The following IRGM variants were observed in gnomAD, a reference collection of about 807,000 sequenced individuals.
IRGM encodes the protein immunity-related GTPase family M protein.
For synonymous variants in IRGM, 98 were observed against 80.6 expected (o/e 1.22, Z -1.16); for missense variants, 288 against 219.9 (o/e 1.31, Z -1.96).
chr5:150,855,364 G>C (rs1267948478), intron 1 of IRGM, among the ~76,000 whole-genome samples: 2 of 152,066 alleles, frequency 1.3e-5, no homozygotes. Context: ...TATCCTTAAG[G>C]AAGAGTTTGT....
chr5:150,893,201 G>C (rs1205738116), intron 3 of IRGM, among the ~76,000 whole-genome samples: 1 of 152,092 alleles, frequency 6.6e-6, no homozygotes, highest in African/African-American at 2.4e-5. Flanking sequence ...GAAAAGGTGA[G>C]TTTCCTCCCA....
Position 150,863,380 on chromosome 5 carries a change from C to G in IRGM, c.159-14600C>G, listed in dbSNP as rs139480319. 5.3e-4 allele frequency among the ~76,000 whole-genome samples: 80 copies of G among 152,108 alleles called. 1 individual carries two copies. The East Asian group carries it at 0.011, about 21-fold the overall frequency. On this transcript the variant is annotated intron_variant and NMD_transcript_variant, in intron 1 of 3. Coordinates refer to the IRGM transcript ENST00000520549. ...ATGAATAACAGTGTTGAAATTTTTGCAAGTTCAGTGGAAATGTTCTATTCG... is the reference window on the plus strand; with the variant it reads ...ATGAATAACAGTGTTGAAATTTTTGGAAGTTCAGTGGAAATGTTCTATTCG...
At chr5:150,872,748 G>T (rs74294180) in intron 1 of IRGM, among the ~76,000 whole-genome samples, 1 of 152,058 alleles carries the variant, frequency 6.6e-6, no homozygotes, top group African/African-American at 2.4e-5. Context: ...TTAAAAGATC[G>T]CCCACTGTGG....
At chr5:150,898,413 G>A (rs1754873752) in intron 3 of IRGM, 1 of 1,613,184 alleles carries the variant, frequency 6.2e-7, no homozygotes, top group African/African-American at 1.3e-5. Context: ...AGTTATTCAG[G>A]GAAGCCATCC....
intron 3 of IRGM, chr5:150,894,832 C>T (rs1754697892): frequency 6.6e-6 from 1 of 152,236 alleles, no homozygotes; most frequent in Non-Finnish European, 1.5e-5. Context: ...AAAAGGGAGA[C>T]CTGCTCAAAA....
chr5:150,851,469 G>A (rs1314740619), downstream of IRGM, among the ~76,000 whole-genome samples: 2 of 152,180 alleles, frequency 1.3e-5, no homozygotes, highest in East Asian at 3.8e-4. Flanking sequence ...CCTAATGCAC[G>A]ACGGCAGGCC....
At chr5:150,898,839 A>G (rs1476488058) in intron 3 of IRGM, among the ~76,000 whole-genome samples, 1 of 152,100 alleles carries the variant, frequency 6.6e-6, no homozygotes, top group East Asian at 1.9e-4. Flanking sequence ...AATGAATAGT[A>G]AAGAGGAAAA....
chr5:150,869,406 T>A (rs1209129286), intron 1 of IRGM, among the ~76,000 whole-genome samples: 1 of 152,202 alleles, frequency 6.6e-6, no homozygotes, highest in Admixed American at 6.5e-5. Context: ...GATTTTTGTA[T>A]CTATGTTCAT....
chr5:150,889,890 C>G (rs1016715078), intron 3 of IRGM, among the ~76,000 whole-genome samples: 2 of 151,918 alleles, frequency 1.3e-5, no homozygotes, highest in African/African-American at 4.8e-5. Flanking sequence ...CTACTTGGGT[C>G]TTGATGTATT....
chr5:150,866,848 C>A (rs1203171178), intron 1 of IRGM, among the ~76,000 whole-genome samples: 1 of 152,138 alleles, frequency 6.6e-6, no homozygotes, highest in Non-Finnish European at 1.5e-5. Context: ...TCTGATTACC[C>A]ACTAAAATAA....
At chr5:150,896,999 A>G (rs1305631639) in intron 3 of IRGM, 1 of 1,562,774 alleles carries the variant, frequency 6.4e-7, no homozygotes, top group Non-Finnish European at 8.7e-7. Context: ...ATACAATTTA[A>G]GAGTCATCAC....
intron 3 of IRGM, among the ~76,000 whole-genome samples, chr5:150,889,684 C>T (rs1371359804): frequency 6.6e-6 from 1 of 152,038 alleles, no homozygotes. Flanking sequence ...AACACTCAGT[C>T]TTTCACTATA....
chr5:150,864,460 T>C (rs1472475094), intron 1 of IRGM, among the ~76,000 whole-genome samples: 1 of 152,206 alleles, frequency 6.6e-6, no homozygotes, highest in Admixed American at 6.5e-5. Context: ...TCTTCCACAT[T>C]AAACATTACT....
chr5:150,878,765 T>C (rs893828551), intron 2 of IRGM, among the ~76,000 whole-genome samples: 3 of 145,236 alleles, frequency 2.1e-5, no homozygotes, highest in Non-Finnish European at 4.4e-5. Flanking sequence ...AAAAGATAAA[T>C]GTATAATTAT....
intron 1 of IRGM, among the ~76,000 whole-genome samples, chr5:150,856,680 G>A (rs973923149): frequency 6.6e-6 from 1 of 150,712 alleles, no homozygotes; most frequent in Non-Finnish European, 1.5e-5. Flanking sequence ...ATGTTTCCCA[G>A]ACTGGTCTCA....
In IRGM at chr5:150,897,942, T is replaced by C. The variant is rs56737661; in HGVS notation, c.*141-2647T>C. 3,116 of 1,231,804 alleles carry C rather than the reference T, an allele frequency of 2.5e-3. 76 individuals are homozygous for C. In the African/African-American group the frequency reaches 0.043, roughly 17 times the overall value. 76.3% of individuals were successfully genotyped at this position (1,231,804 alleles called of 1,614,324 possible). On this transcript the variant is annotated intron_variant and NMD_transcript_variant, in intron 3 of 3. Transcript: ENST00000520549. ...CTCCTCTGAAAGGCTTCACAATTAC[T>C]TGTTGAGTGACTACTAAATTCTCAG...
At position 150,888,569 on chromosome 5, in the gene IRGM, C is replaced by G. The variant is rs537564765; in HGVS notation, c.*140+8923C>G. ...GCCACATAATTTGACATAAAACAAT[C>G]CTTGGCAAATGCAAAAGAACGAAAA... On this transcript the variant is annotated intron_variant and NMD_transcript_variant, in intron 3 of 3. Transcript: ENST00000520549. Among the ~76,000 whole-genome samples the G allele has an allele frequency of 2.0e-4, 30 of 152,100 alleles. 1 individual carries two copies. Among genetic ancestry groups the G allele is most frequent in the East Asian group, 5.8e-4 (3 of 5,176 alleles).
chr5:150,888,850 TAAATC>T (rs1754563255), intron 3 of IRGM, among the ~76,000 whole-genome samples: 1 of 152,090 alleles, frequency 6.6e-6, no homozygotes, highest in Non-Finnish European at 1.5e-5. Context: ...GAGATTGTGT[TAAATC>T]TATGGACGAA....
Position 150,898,087 on chromosome 5 carries a change from A to T in IRGM, c.*141-2502A>T, listed in dbSNP as rs377639896. The T allele has an allele frequency of 6.2e-7, 1 of 1,613,170 alleles. No individual in the cohort carries two copies. The highest frequency in any genetic ancestry group is 1.3e-5 in the African/African-American group (1 of 74,862). On this transcript the variant is annotated intron_variant and NMD_transcript_variant, in intron 3 of 3. Transcript: ENST00000520549. ...CTTGTCTCCCATCTGCCTGATATTC[A>T]TCTGGATAGATCCAATTTGATATGT...
Sources: gnomAD v4.1 joint callset for allele counts (sites outside exome capture counted in the v4.1 genomes callset) on GRCh38, gnomAD v4.1.1 for gene constraint, MANE v1.5 for transcripts, NCBI Gene and HGNC (gene_info 2026-07-23, HGNC 2026-07-21) for gene names.